Variants in EXOC6B observed in about 807,000 individuals in gnomAD.
The protein encoded by EXOC6B is exocyst complex component 6B, also known as SEC15 homolog B.
Under a neutral mutation model 113.5 loss-of-function variants are expected in EXOC6B, and 54 were observed. That is an observed-to-expected ratio of 0.48 (90% CI 0.38 to 0.60). EXOC6B has a LOEUF of 0.60. Ranked by LOEUF, EXOC6B falls within the 20% of genes least tolerant of loss-of-function variation. EXOC6B has a pLI of 0.00. For missense variants in EXOC6B, 797 were observed against 977.5 expected (o/e 0.82, Z 2.46); for synonymous variants, 357 against 339.0 (o/e 1.05, Z -0.58).
chr2:72,606,670 C>T (rs1670775478), intron 6 of EXOC6B, among the ~76,000 whole-genome samples: 1 of 150,526 alleles, frequency 6.6e-6, no homozygotes, highest in South Asian at 2.1e-4. Flanking sequence ...GTTTTGTCTC[C>T]CAGACTGGAG....
chr2:72,548,311 C>T (rs553431193), intron 8 of EXOC6B, among the ~76,000 whole-genome samples: 88 of 152,240 alleles, frequency 5.8e-4, no homozygotes, highest in African/African-American at 2.0e-3. Context: ...ACTGATAAGG[C>T]TGGCAGATAT....
At chr2:72,329,787 C>CGGG (rs1688330722) in intron 20 of EXOC6B, among the ~76,000 whole-genome samples, 2 of 152,084 alleles carry the variant, frequency 1.3e-5, no homozygotes, top group African/African-American at 4.8e-5. Flanking sequence ...GGTTTTACCT[C>CGGG]TATACCTCTA....
intron 18 of EXOC6B, among the ~76,000 whole-genome samples, chr2:72,411,173 C>T (rs934822596): frequency 3.3e-5 from 5 of 152,158 alleles, no homozygotes; most frequent in African/African-American, 1.2e-4. Context: ...GATTGTGCCA[C>T]TGCACTCCAG....
At chr2:72,312,759 A>AAAC (rs199648970) in intron 20 of EXOC6B, among the ~76,000 whole-genome samples, 281 of 150,968 alleles carry the variant, frequency 1.9e-3, no homozygotes, top group East Asian at 0.011. Context: ...TTGTCTCAAA[A>AAAC]AACAACAACA....
intron 19 of EXOC6B, among the ~76,000 whole-genome samples, chr2:72,356,455 C>T (rs960854997): frequency 6.6e-6 from 1 of 152,010 alleles, no homozygotes. Flanking sequence ...TTGCTTAAAC[C>T]CAGGAATTCA....
At chr2:72,762,371 G>C (rs1358631621) in intron 1 of EXOC6B, among the ~76,000 whole-genome samples, 2 of 152,008 alleles carry the variant, frequency 1.3e-5, no homozygotes, top group East Asian at 3.9e-4. Flanking sequence ...GGATTAGTCA[G>C]AAAAGGCTTC....
intron 8 of EXOC6B, among the ~76,000 whole-genome samples, chr2:72,520,946 C>A (rs1386381427): frequency 6.6e-6 from 1 of 152,122 alleles, no homozygotes; most frequent in Non-Finnish European, 1.5e-5. Context: ...TTCCCCTTAT[C>A]CCATACTCTG....
chr2:72,718,265 G>A lies in EXOC6B; in HGVS notation c.507C>T (p.Thr169=), dbSNP rs754092543. ...ALKTLEHLEH[T]YLPQVSHYRF... ...GATAGTGGCTTACTTGAGGCAGGTA[G>A]GTATGCTCTAGATGTTCCAGAGTTT... Residue 169 remains threonine (T), a synonymous_variant, in exon 6 of 22, where the codon ACC becomes ACT. Coordinates refer to ENST00000272427, the MANE Select transcript of EXOC6B (RefSeq NM_015189.3). The A allele has an allele frequency of 6.2e-7, 1 of 1,613,756 alleles. No homozygotes were observed.
At chr2:72,674,439 C>T (rs1676134621) in intron 6 of EXOC6B, among the ~76,000 whole-genome samples, 1 of 152,218 alleles carries the variant, frequency 6.6e-6, no homozygotes, top group South Asian at 2.1e-4. Flanking sequence ...CACCTTCACA[C>T]ATTTGTCCAC....
intron 19 of EXOC6B, among the ~76,000 whole-genome samples, chr2:72,342,791 A>C (rs910890312): frequency 1.3e-5 from 2 of 152,106 alleles, no homozygotes; most frequent in African/African-American, 4.8e-5. Context: ...AACAACAACA[A>C]AAACCCAAAA....
chr2:72,474,846 T>C (rs1698636761), intron 17 of EXOC6B, among the ~76,000 whole-genome samples: 1 of 152,202 alleles, frequency 6.6e-6, no homozygotes. Context: ...TACCATTATA[T>C]TCATATCTGT....
chr2:72,507,372 T>G (rs1258451917), intron 11 of EXOC6B, among the ~76,000 whole-genome samples: 7 of 152,136 alleles, frequency 4.6e-5, no homozygotes, highest in Non-Finnish European at 5.9e-5. Context: ...CTGAGTTGTT[T>G]CTTAATAACT....
At chr2:72,443,134 G>C (rs1417840890) in intron 18 of EXOC6B, among the ~76,000 whole-genome samples, 1 of 151,974 alleles carries the variant, frequency 6.6e-6, no homozygotes, top group Non-Finnish European at 1.5e-5. Context: ...AGACCAGCCT[G>C]GCCAATATGA....
At chr2:72,671,437 G>A (rs1253046701) in intron 6 of EXOC6B, among the ~76,000 whole-genome samples, 1 of 152,176 alleles carries the variant, frequency 6.6e-6, no homozygotes, top group African/African-American at 2.4e-5. Context: ...GCTCAAGCCT[G>A]TAATCCCAGC....
chr2:72,815,459 T>C (rs1433933189), intron 1 of EXOC6B, among the ~76,000 whole-genome samples: 3 of 145,120 alleles, frequency 2.1e-5, no homozygotes, highest in Non-Finnish European at 4.5e-5. Context: ...CACTGCACTC[T>C]AGCCAGGACA....
chr2:72,769,717 C>A (rs1360296313), intron 1 of EXOC6B, among the ~76,000 whole-genome samples: 1 of 152,140 alleles, frequency 6.6e-6, no homozygotes, highest in African/African-American at 2.4e-5. Context: ...GAGGCTGAGA[C>A]AGGAGAATTG....
intron 21 of EXOC6B, among the ~76,000 whole-genome samples, chr2:72,180,348 C>A (rs1678002352): frequency 6.6e-6 from 1 of 152,180 alleles, no homozygotes; most frequent in Non-Finnish European, 1.5e-5. Flanking sequence ...GGTCACAGAA[C>A]CCCCAAGTCT....
chr2:72,805,817 A>G (rs563481075), intron 1 of EXOC6B, among the ~76,000 whole-genome samples: 1 of 152,188 alleles, frequency 6.6e-6, no homozygotes, highest in Non-Finnish European at 1.5e-5. Flanking sequence ...ACCACCAACC[A>G]TTCTACCCTC....
At chr2:72,660,661 A>C (rs974323556) in intron 6 of EXOC6B, among the ~76,000 whole-genome samples, 1 of 152,242 alleles carries the variant, frequency 6.6e-6, no homozygotes, top group Non-Finnish European at 1.5e-5. Flanking sequence ...ATTTCAGGTA[A>C]AATGAGGTAA....
Sources: allele counts gnomAD v4.1 joint callset (sites outside exome capture counted in the v4.1 genomes callset), GRCh38; gene constraint gnomAD v4.1.1; transcripts MANE v1.5; gene names NCBI Gene and HGNC (gene_info 2026-07-23, HGNC 2026-07-21).